The following SZT2 variants were observed in gnomAD, a reference collection of about 807,000 sequenced individuals.
The protein encoded by SZT2 is KICSTOR complex protein SZT2.
SZT2 carries 216 observed loss-of-function variants against 404.2 expected under a neutral mutation model. The observed-to-expected ratio is 0.53, with a 90% CI of 0.48 to 0.60. The LOEUF is 0.60. Among genes scored for constraint, SZT2 ranks in the 20% least tolerant of loss-of-function variants. The pLI, the probability that SZT2 is intolerant of heterozygous loss-of-function variation, is 0.00. For synonymous variants in SZT2, 1,693 were observed against 1,749.9 expected (o/e 0.97, Z 0.81); for missense variants, 3,857 against 4,459.2 (o/e 0.86, Z 3.85).
intron 4 of SZT2, among the ~76,000 whole-genome samples, chr1:43,414,203 C>A (rs1221814689): frequency 6.6e-6 from 1 of 152,010 alleles, no homozygotes; most frequent in African/African-American, 2.4e-5. Flanking sequence ...TTGCTTGAAC[C>A]CGGGAGGCGG....
intron 4 of SZT2, chr1:43,406,513 C>G (rs907277994): frequency 6.4e-6 from 1 of 155,720 alleles, no homozygotes; most frequent in Non-Finnish European, 1.4e-5. Flanking sequence ...GTACTATGAA[C>G]CTGTACTCTC....
rs780976286 is a variant in SZT2 at position 43,437,612 on chromosome 1, G to A, written c.6308G>A (p.Cys2103Tyr). The change falls in exon 45 of 72, where the codon TGC (cysteine) becomes TAC (tyrosine). Residue 2103 changes from cysteine (C) to tyrosine (Y), a missense_variant. This residue lies in a region of SZT2 where 261 missense variants were observed against 372.9 expected (regional missense o/e 0.70). Coordinates refer to ENST00000634258, the MANE Select transcript of SZT2 (RefSeq NM_001365999.1). This position sits in a 1 kb window ranked among gnomAD's most constrained non-coding sequence, Gnocchi z 5.3. ...VYYLRLLETS[C>Y]SDRPWKGDAL... ...TTTCCCAGGCTCCTAGAGACATCCT[G>A]CAGTGACCGGCCATGGAAAGGGGAT... The A allele has an allele frequency of 3.1e-6, 5 of 1,613,986 alleles. No homozygotes were observed. The African/African-American group carries it at 6.7e-5, about 22-fold the overall frequency.
chr1:43,419,743 G>A lies in SZT2; in HGVS notation c.889G>A (p.Val297Ile), dbSNP rs1652117691. ...VACSFVQVGG[V>I]YSYDCSFGHV... The stretch of plus-strand genomic sequence containing the variant: ...TGCTCACTTTTTCCAGGTGGGAGGA[G>A]TTTACTCTTATGACTGCAGTTTTGG... Residue 297 changes from valine (V) to isoleucine (I), a missense_variant, in exon 8 of 72, where the codon GTT becomes ATT. Around this residue, in one of 7 missense-constraint regions of SZT2, gnomAD observed 536 missense variants for 637.4 expected, o/e 0.84. Transcript: ENST00000634258. 1.9e-6 allele frequency: 3 copies of A among 1,598,134 alleles called. No individual in the cohort carries two copies. Among genetic ancestry groups the A allele is most frequent in the Non-Finnish European group, 2.5e-6 (3 of 1,179,640 alleles).
intron 4 of SZT2, among the ~76,000 whole-genome samples, chr1:43,411,253 A>G (rs1651008539): frequency 6.6e-6 from 1 of 152,104 alleles, no homozygotes. Flanking sequence ...CCTTGGGAAG[A>G]CCAGGTTGGC....
At chr1:43,395,360 T>C (rs1460809839) in intron 1 of SZT2, among the ~76,000 whole-genome samples, 1 of 152,110 alleles carries the variant, frequency 6.6e-6, no homozygotes, top group African/African-American at 2.4e-5. Context: ...TGCAGTGGTA[T>C]GATCATGGCT....
Position 43,437,991 on chromosome 1 carries a change from A to T in SZT2, c.6508+89A>T. The T allele has an allele frequency of 4.5e-6, 6 of 1,323,446 alleles. No homozygotes were observed. Among genetic ancestry groups the T allele is most frequent in the Non-Finnish European group, 5.4e-6 (5 of 926,496 alleles). The allele number at this position is 1,323,446 out of a possible 1,614,324, so 82.0% of individuals were successfully genotyped here. On this transcript the variant is annotated intron_variant, in intron 46 of 71. Coordinates refer to ENST00000634258, the MANE Select transcript of SZT2 (RefSeq NM_001365999.1). This position sits in a 1 kb window ranked among gnomAD's most constrained non-coding sequence, Gnocchi z 5.3. ...CTTAGAACCTTGCAAGCATTACACT[A>T]GAAGTTATGTAACAGTCTCAGCCCA...
At chr1:43,412,620 C>T (rs889839578) in intron 4 of SZT2, 4 of 152,060 alleles carry the variant, frequency 2.6e-5, no homozygotes, top group African/African-American at 9.7e-5. Flanking sequence ...CAAGCACAAG[C>T]GTGCAAAGCA....
In SZT2 at chr1:43,429,609, A is replaced by G. The variant is rs148343188; in HGVS notation, c.4167-94A>G. On this transcript the variant is annotated intron_variant, in intron 28 of 71. Coordinates refer to ENST00000634258, the MANE Select transcript of SZT2 (RefSeq NM_001365999.1). ...ACGCTAAGTACTCTTCCTGTGGACAAAAAGGCTTCCTGTGCTGCTCCCCAG... is the reference window on the plus strand; with the variant it reads ...ACGCTAAGTACTCTTCCTGTGGACAGAAAGGCTTCCTGTGCTGCTCCCCAG... 491 of 1,529,722 alleles carry G rather than the reference A, an allele frequency of 3.2e-4. 1 individual carries two copies. In the East Asian group the frequency reaches 9.9e-3, roughly 31 times the overall value. The allele number at this position is 1,529,722 out of a possible 1,614,324, so 94.8% of individuals were successfully genotyped here.
chr1:43,453,295 TTCTG>T lies in SZT2; in HGVS notation c.*2816_*2819del. The T allele has an allele frequency of 1.2e-6, 1 of 843,532 alleles. No individual in the cohort carries two copies. Among genetic ancestry groups the T allele is most frequent in the Non-Finnish European group, 1.9e-6 (1 of 538,716 alleles). 52.3% of individuals were successfully genotyped at this position (843,532 alleles called of 1,614,324 possible). Reference sequence around the variant, plus strand: ...CAGAGATAAACCAGTGGGCTCAGACTTCTGAGCGTCTCAGATCTGGCGTCCTCGA... The same window carrying T: ...CAGAGATAAACCAGTGGGCTCAGACTAGCGTCTCAGATCTGGCGTCCTCGA... On this transcript the variant is annotated 3_prime_UTR_variant, in exon 72 of 72. Transcript: ENST00000634258.
At position 43,450,041 on chromosome 1, in the gene SZT2, C is replaced by T. The variant is rs1656196613; in HGVS notation, c.10087-62C>T. The T allele has an allele frequency of 6.2e-7, 1 of 1,603,094 alleles. No homozygotes were observed. The highest frequency in any genetic ancestry group is 8.5e-7 in the Non-Finnish European group (1 of 1,170,116). On this transcript the variant is annotated intron_variant, in intron 70 of 71. Transcript: ENST00000634258. The surrounding 1 kb of genome is among the most constrained non-coding windows in gnomAD (Gnocchi z 4.3). Reference sequence around the variant, plus strand: ...TAGGCCTCTCCTCATCCTCCCTTCACCTCAGGATGCCCTGTGGGAGGGTCT... The same window carrying T: ...TAGGCCTCTCCTCATCCTCCCTTCATCTCAGGATGCCCTGTGGGAGGGTCT...
At chr1:43,430,281 C>T in intron 30 of SZT2, 30 bp from the exon 31 acceptor site, 4 of 1,612,342 alleles carry the variant, frequency 2.5e-6, no homozygotes, top group East Asian at 4.5e-5. Context: ...GGATTCTTGC[C>T]TCATCATCTT....
chr1:43,426,806 C>G lies in SZT2; in HGVS notation c.3306C>G (p.Ser1102=). 4 of 1,613,412 alleles carry G rather than the reference C, an allele frequency of 2.5e-6. No homozygotes were observed. The South Asian group carries it at 3.3e-5, about 13-fold the overall frequency. ...CCACAGGAGACTCCGCTTTTACTTC[C>G]CTGGTCAGCACCGATTCTTCTCCCT... The part of the protein sequence containing the change: ...TQATGDSAFT[S]LSVGLPETLK... The change falls in exon 23 of 72, where the codon TCC becomes TCG. Residue 1102 remains serine, a synonymous_variant. Coordinates refer to ENST00000634258, the MANE Select transcript of SZT2 (RefSeq NM_001365999.1). The surrounding 1 kb of genome is among the most constrained non-coding windows in gnomAD (Gnocchi z 4.9).
In SZT2 at chr1:43,421,208, C is replaced by T; in HGVS notation, c.1531C>T (p.Gln511Ter). The T allele has an allele frequency of 6.3e-7, 1 of 1,598,522 alleles. No homozygotes were observed. Among genetic ancestry groups the T allele is most frequent in the Non-Finnish European group, 8.5e-7 (1 of 1,179,804 alleles). The change falls in exon 11 of 72, where the codon CAG becomes TAG. Residue 511 changes from glutamine (Q) to a stop codon, truncating the protein, a stop_gained. Coordinates refer to ENST00000634258, the MANE Select transcript of SZT2 (RefSeq NM_001365999.1). LOFTEE classifies it high-confidence loss of function. The part of the protein sequence containing the change: ...NQTDQMLAHL[Q>*]SFSSVPEHFT... The stretch of plus-strand genomic sequence containing the variant: ...GACAGACCAGATGCTTGCCCACCTT[C>T]AGTCCTTCTCCTCAGTGCCTGAGCA...
At position 43,445,914 on chromosome 1, in the gene SZT2, T is replaced by C. The variant is rs764242601; in HGVS notation, c.8846T>C (p.Met2949Thr). The C allele has an allele frequency of 1.2e-6, 2 of 1,614,250 alleles. No homozygotes were observed. The highest frequency in any genetic ancestry group is 2.2e-5 in the East Asian group (1 of 44,882). The change falls in exon 63 of 72, where the codon ATG becomes ACG. Residue 2949 changes from methionine (M) to threonine (T), a missense_variant. By Grantham distance (81) the Met-to-Thr change is moderately conservative (BLOSUM62 -1). Transcript: ENST00000634258. ...PARSTSRPRA[M>T]AILGTEGRGS... ...TATAGCACCAGCCGGCCACGGGCCA[T>C]GGCTATCCTTGGAACAGAGGGTCGA... is the stretch of plus-strand genomic sequence containing the variant.
chr1:43,407,278 T>A (rs1570577441), intron 4 of SZT2, among the ~76,000 whole-genome samples: 1 of 151,984 alleles, frequency 6.6e-6, no homozygotes, highest in African/African-American at 2.4e-5. Flanking sequence ...CCAAGGCAGG[T>A]GAATCACATG....
Position 43,441,978 on chromosome 1 carries a change from T to G in SZT2, c.7743-22T>G. ...GGAGTGGTGTCATGGATGGCCTTTCTGTCTGTCCTCCCTTTCAATAGGGGT... is the reference window on the plus strand; with the variant it reads ...GGAGTGGTGTCATGGATGGCCTTTCGGTCTGTCCTCCCTTTCAATAGGGGT... On this transcript the variant is annotated intron_variant, in intron 55 of 71. Transcript: ENST00000634258. This position sits in a 1 kb window ranked among gnomAD's most constrained non-coding sequence, Gnocchi z 4.8. The G allele has an allele frequency of 3.7e-6, 6 of 1,604,254 alleles. No individual in the cohort carries two copies. The highest frequency in any genetic ancestry group is 5.1e-6 in the Non-Finnish European group (6 of 1,173,730).
At chr1:43,432,169 C>T in intron 36 of SZT2, 103 bp from the exon 37 acceptor site, 1 of 1,298,498 alleles carries the variant, frequency 7.7e-7, no homozygotes, top group Non-Finnish European at 1.1e-6. Flanking sequence ...ATGCCAGCAT[C>T]TGCTTTACCA....
chr1:43,415,202 C>T lies in SZT2; in HGVS notation c.619C>T (p.Pro207Ser). The T allele has an allele frequency of 6.3e-7, 1 of 1,597,802 alleles. No individual in the cohort carries two copies. Among genetic ancestry groups the T allele is most frequent in the Non-Finnish European group, 8.5e-7 (1 of 1,179,504 alleles). ...CACCATGCTGCAGCAGCAGTACGAT[C>T]CCCAGAGCCAGGTATGTAAGAGAGA... ...VATMLQQQYD[P>S]QSQAEDQSPD... is the part of the protein sequence containing the mutation. The change falls in exon 5 of 72, where the codon CCC (proline) becomes TCC (serine). Residue 207 changes from proline to serine, a missense_variant. Physicochemically the swap from Pro to Ser is moderately conservative, Grantham distance 74. This residue lies in a region of SZT2 where 536 missense variants were observed against 637.4 expected (regional missense o/e 0.84). Transcript: ENST00000634258.
chr1:43,398,297 C>A (rs1649244020), intron 1 of SZT2, among the ~76,000 whole-genome samples: 1 of 152,108 alleles, frequency 6.6e-6, no homozygotes, highest in Admixed American at 6.6e-5. Context: ...GGAGAAAAAA[C>A]CATAGCGAAT....
Sources: gnomAD v4.1 joint callset for allele counts (sites outside exome capture counted in the v4.1 genomes callset) on GRCh38, gnomAD v4.1.1 for gene constraint, gnomAD v4.1.1 regional missense constraint, Gnocchi (gnomAD v3.1) non-coding constraint, MANE v1.5 for transcripts, NCBI Gene and HGNC (gene_info 2026-07-23, HGNC 2026-07-21) for gene names.